Variants in TENM2 observed in about 807,000 individuals in gnomAD.
TENM2 encodes teneurin transmembrane protein 2, also known as teneurin-2.
A neutral mutation model predicts 245.2 loss-of-function variants in TENM2; 52 were observed. The observed-to-expected ratio is 0.21, with a 90% confidence interval of 0.17 to 0.27. The LOEUF (loss-of-function observed/expected upper bound fraction) is 0.27, where lower values mean the gene tolerates loss of function less well. TENM2 is among the 10% of genes least tolerant of loss of function. The pLI is 1.00. For synonymous variants in TENM2, 1,363 were observed against 1,438.9 expected (o/e 0.95, Z 1.19); for missense variants, 3,046 against 3,666.8 (o/e 0.83, Z 4.37).
Position 168,247,813 on chromosome 5 carries a change from A to C in TENM2, c.6874A>C (p.Lys2292Gln). Residue 2292 changes from lysine to glutamine, a missense_variant, in exon 27 of 29, where the codon AAG becomes CAG. Lys to Gln is a moderately conservative substitution (Grantham distance 53). Around this residue, in one of 2 missense-constraint regions of TENM2, gnomAD observed 2,704 missense variants for 3,331.9 expected, o/e 0.81. Coordinates refer to ENST00000518659, the Ensembl canonical transcript of TENM2. This position sits in a 1 kb window ranked among gnomAD's most constrained non-coding sequence, Gnocchi z 7.8. Reference sequence around the variant, plus strand: ...GGGCCTCCTAACAAGAGCCTACAACAAGGCCAGCGGGTGGAGTGTCCAGTA... The same window carrying C: ...GGGCCTCCTAACAAGAGCCTACAACCAGGCCAGCGGGTGGAGTGTCCAGTA... 1 of 1,613,944 alleles carries C rather than the reference A, an allele frequency of 6.2e-7. No individual in the cohort carries two copies. Among genetic ancestry groups the C allele is most frequent in the Non-Finnish European group, 8.5e-7 (1 of 1,179,848 alleles).
At chr5:167,587,283 T>C (rs1314042048) in intron 2 of TENM2, among the ~76,000 whole-genome samples, 1 of 152,246 alleles carries the variant, frequency 6.6e-6, no homozygotes, top group Non-Finnish European at 1.5e-5. Context: ...AGTATTTCGA[T>C]GATTCTTGGG....
intron 27 of TENM2, among the ~76,000 whole-genome samples, chr5:168,257,705 T>C (rs1250735162): frequency 6.7e-6 from 1 of 148,228 alleles, no homozygotes; most frequent in Non-Finnish European, 1.5e-5. Context: ...AACCTCTGCC[T>C]CCCGGGTTCA....
intron 2 of TENM2, among the ~76,000 whole-genome samples, chr5:167,475,335 A>T (rs193035928): frequency 6.6e-6 from 1 of 152,208 alleles, no homozygotes; most frequent in African/African-American, 2.4e-5. Flanking sequence ...GTTTATGTAC[A>T]TTATACCTGC....
intron 19 of TENM2, among the ~76,000 whole-genome samples, chr5:168,204,865 T>C (rs1183172717): frequency 6.6e-6 from 1 of 152,252 alleles, no homozygotes; most frequent in East Asian, 1.9e-4. Context: ...GTCTCCAGAC[T>C]GGAGAACAAC....
At chr5:167,281,474 C>T (rs570697827), upstream of TENM2, among the ~76,000 whole-genome samples, 4 of 152,132 alleles carry the variant, frequency 2.6e-5, no homozygotes, top group Admixed American at 6.5e-5. Context: ...GCCAACAGTC[C>T]GTGAGCTTTG....
chr5:167,048,487 C>A, the TENM2 span, among the ~76,000 whole-genome samples: 3 of 152,154 alleles, frequency 2.0e-5, no homozygotes, highest in Non-Finnish European at 2.9e-5. Context: ...ACCGCACATA[C>A]ACACAACTAA....
intron 2 of TENM2, among the ~76,000 whole-genome samples, chr5:167,494,288 C>T (rs545112519): frequency 8.5e-5 from 13 of 152,078 alleles, no homozygotes; most frequent in African/African-American, 2.9e-4. Context: ...TAACAATTAA[C>T]TGATAGAAGA....
intron 2 of TENM2, among the ~76,000 whole-genome samples, chr5:167,833,236 G>A (rs1768669757): frequency 2.6e-5 from 4 of 151,926 alleles, no homozygotes; most frequent in Non-Finnish European, 5.9e-5. Context: ...TTATTAAAAT[G>A]TATCCACAAA....
chr5:167,318,243 A>G (rs545809824), intron 1 of TENM2, among the ~76,000 whole-genome samples: 1 of 152,252 alleles, frequency 6.6e-6, no homozygotes, highest in East Asian at 1.9e-4. Flanking sequence ...TCGTGTTGGT[A>G]ATGGGGCTCA....
chr5:167,609,751 T>C (rs1053780264), intron 2 of TENM2, among the ~76,000 whole-genome samples: 19 of 152,010 alleles, frequency 1.2e-4, no homozygotes, highest in Admixed American at 3.9e-4. Context: ...TTTGATGAGA[T>C]AGGAAAAAAA....
chr5:167,313,155 G>A (rs1306145274), intron 1 of TENM2, among the ~76,000 whole-genome samples: 1 of 151,908 alleles, frequency 6.6e-6, no homozygotes, highest in African/African-American at 2.4e-5. Context: ...CATCCTCCTT[G>A]GCCTCTCAAA....
At chr5:167,978,738 A>G (rs1782619574) in intron 4 of TENM2, among the ~76,000 whole-genome samples, 1 of 152,196 alleles carries the variant, frequency 6.6e-6, no homozygotes, top group Non-Finnish European at 1.5e-5. Context: ...AAACATCGTG[A>G]ATGCTCTAAA....
At chr5:167,488,163 G>A (rs1195112325) in intron 2 of TENM2, among the ~76,000 whole-genome samples, 3 of 151,950 alleles carry the variant, frequency 2.0e-5, no homozygotes. Flanking sequence ...GTCTTTCTTG[G>A]ATCTTAACTG....
intron 2 of TENM2, among the ~76,000 whole-genome samples, chr5:167,765,054 G>C (rs1395840632): frequency 6.6e-6 from 1 of 152,136 alleles, no homozygotes; most frequent in African/African-American, 2.4e-5. Flanking sequence ...GCCTGTCCTT[G>C]GGCTGGCGAG....
chr5:168,208,772 AG>A (rs1343669354), intron 19 of TENM2, among the ~76,000 whole-genome samples: 2 of 152,270 alleles, frequency 1.3e-5, no homozygotes, highest in African/African-American at 4.8e-5. Context: ...GGTAGAACCC[AG>A]ATTTTATGAA....
chr5:167,694,779 C>T (rs964420216), intron 2 of TENM2, among the ~76,000 whole-genome samples: 4 of 152,064 alleles, frequency 2.6e-5, no homozygotes, highest in Admixed American at 6.6e-5. Context: ...ACTATAGAAG[C>T]TCACTGAAAC....
At chr5:167,173,354 C>T in the TENM2 span, among the ~76,000 whole-genome samples, 1 of 152,220 alleles carries the variant, frequency 6.6e-6, no homozygotes, top group South Asian at 2.1e-4. Flanking sequence ...AGAAATTACT[C>T]ATTCAAGCTC....
the TENM2 span, among the ~76,000 whole-genome samples, chr5:167,261,509 T>C: frequency 6.6e-6 from 1 of 152,106 alleles, no homozygotes; most frequent in East Asian, 1.9e-4. Context: ...AACATCATCA[T>C]CATCATCTTC....
At chr5:168,010,679 T>C (rs1356845194) in intron 5 of TENM2, among the ~76,000 whole-genome samples, 2 of 152,252 alleles carry the variant, frequency 1.3e-5, no homozygotes, top group African/African-American at 2.4e-5. Context: ...GAGATGTTCA[T>C]GGGGAAAAGC....
Sources: gnomAD v4.1 joint callset for allele counts (sites outside exome capture counted in the v4.1 genomes callset) on GRCh38, gnomAD v4.1.1 for gene constraint, gnomAD v4.1.1 regional missense constraint, Gnocchi (gnomAD v3.1) non-coding constraint, MANE v1.5 for transcripts, NCBI Gene and HGNC (gene_info 2026-07-23, HGNC 2026-07-21) for gene names.